Variants in GTF2A1L observed in about 807,000 individuals in gnomAD.
The protein encoded by GTF2A1L is TFIIA-alpha and beta-like factor.
GTF2A1L carries 48 observed loss-of-function variants against 49.7 expected under a neutral mutation model. The ratio of observed to expected loss-of-function variants is 0.97; its 90% CI spans 0.77 to 1.23. The LOEUF (loss-of-function observed/expected upper bound fraction) is 1.23. Among genes scored for constraint, GTF2A1L ranks in the 50% most tolerant of loss-of-function variants. The pLI, the probability that GTF2A1L is intolerant of heterozygous loss-of-function variation, is 0.00. For synonymous variants in GTF2A1L, 246 were observed against 193.5 expected, an observed-to-expected ratio of 1.27 and a Z score of -2.25; for missense variants, 736 against 564.8, an observed-to-expected ratio of 1.30 and a Z score of -3.07.
intron 6 of GTF2A1L, among the ~76,000 whole-genome samples, chr2:48,667,756 G>T (rs1678932104): frequency 6.6e-6 from 1 of 151,960 alleles, no homozygotes; most frequent in Non-Finnish European, 1.5e-5. Flanking sequence ...TTTTTTGAGG[G>T]TTCATTATTG....
At chr2:48,666,095 A>C (rs1168403280) in intron 6 of GTF2A1L, among the ~76,000 whole-genome samples, 4 of 152,036 alleles carry the variant, frequency 2.6e-5, no homozygotes. Context: ...TTCTGATATT[A>C]ATATAGCAGT....
At position 48,646,859 on chromosome 2, in the gene GTF2A1L, T is replaced by C. The variant is rs780090783; in HGVS notation, c.795T>C (p.Ser265=). ...ATTCTAATGTGGAGTCAGTGCTCAG[T>C]GGTTCAGCTAGCATGGCTCAAAATC... ...QTNSNVESVL[S]GSASMAQNLH... The change falls in exon 6 of 9, where the codon AGT becomes AGC. Residue 265 remains serine (S), a synonymous_variant. Transcript: ENST00000403751. The C allele has an allele frequency of 3.1e-6, 5 of 1,614,078 alleles. No homozygotes were observed. The highest frequency in any genetic ancestry group is 4.2e-6 in the Non-Finnish European group (5 of 1,180,024).
intron 8 of GTF2A1L, among the ~76,000 whole-genome samples, chr2:48,678,851 G>A (rs956478513): frequency 2.0e-5 from 3 of 151,896 alleles, no homozygotes; most frequent in Non-Finnish European, 4.4e-5. Context: ...GAACAATCCA[G>A]GCATGCCCCT....
chr2:48,622,704 C>T (rs1321106532), intron 3 of GTF2A1L, among the ~76,000 whole-genome samples: 2 of 151,972 alleles, frequency 1.3e-5, no homozygotes, highest in South Asian at 2.1e-4. Context: ...CGTGGTGGCT[C>T]ATGCCTGTAA....
Position 48,646,595 on chromosome 2 carries a change from A to C in GTF2A1L, c.531A>C (p.Pro177=), listed in dbSNP as rs1204872827. The C allele has an allele frequency of 9.3e-6, 15 of 1,614,030 alleles. No homozygotes were observed. The highest frequency in any genetic ancestry group is 1.3e-5 in the African/African-American group (1 of 74,922). Residue 177 remains proline (P), a synonymous_variant, in exon 6 of 9, where the codon CCA becomes CCC. Transcript: ENST00000403751. ...VIQTSVPQLN[P]WSLQATTEKS... ...AAACTAGTGTTCCACAATTGAATCC[A>C]TGGTCTCTTCAAGCAACTACTGAAA...
At chr2:48,667,669 A>G (rs1678927954) in intron 6 of GTF2A1L, among the ~76,000 whole-genome samples, 1 of 152,198 alleles carries the variant, frequency 6.6e-6, no homozygotes, top group Non-Finnish European at 1.5e-5. Flanking sequence ...CCAATGTAGT[A>G]AAAATTAATT....
chr2:48,665,004 C>T (rs528888624), intron 6 of GTF2A1L, among the ~76,000 whole-genome samples: 1 of 152,096 alleles, frequency 6.6e-6, no homozygotes. Context: ...TCACTGCAAC[C>T]AGCACCTCCT....
At chr2:48,671,526 C>G in intron 7 of GTF2A1L, 65 bp from the exon 8 acceptor site, 1 of 1,527,404 alleles carries the variant, frequency 6.5e-7, no homozygotes, top group Admixed American at 1.9e-5. Flanking sequence ...TTCTATATGT[C>G]TCTTTATCTT....
chr2:48,651,231 G>A (rs1277408270), intron 6 of GTF2A1L, among the ~76,000 whole-genome samples: 1 of 152,108 alleles, frequency 6.6e-6, no homozygotes, highest in Non-Finnish European at 1.5e-5. Context: ...AAAAAAGGAA[G>A]CATTTCCTCT....
rs1338750571 is a variant in GTF2A1L, at chr2:48,671,604, C to T, written c.1253C>T (p.Ser418Phe). The T allele has an allele frequency of 1.9e-6, 3 of 1,613,096 alleles. No homozygotes were observed. Among genetic ancestry groups the T allele is most frequent in the East Asian group, 2.2e-5 (1 of 44,864 alleles). ...VNIVEEDPLN[S>F]GDDVSEQDVP... ...TTTCGTCTTTAGGACCCTTTAAATT[C>T]TGGAGATGATGTTAGTGAACAGGAT... Residue 418 changes from serine to phenylalanine, a missense_variant, in exon 8 of 9, where the codon TCT (serine) becomes TTT (phenylalanine). Transcript: ENST00000403751.
In GTF2A1L at chr2:48,676,094, A is replaced by G. The variant is rs1418305881; in HGVS notation, c.1330-3241A>G. Among the ~76,000 whole-genome samples, 4 of 152,054 alleles carry G rather than the reference A, an allele frequency of 2.6e-5. No homozygotes were observed. The South Asian group carries it at 6.2e-4, about 24-fold the overall frequency. ...TTTCATCGAATTTCTTTATTCAAATACAAATACAAAAGATAGCATAAATAA... is the reference window on the plus strand; with the variant it reads ...TTTCATCGAATTTCTTTATTCAAATGCAAATACAAAAGATAGCATAAATAA... On this transcript the variant is annotated intron_variant, in intron 8 of 8. Transcript: ENST00000403751.
rs1553371563 is a variant in GTF2A1L at position 48,621,188 on chromosome 2, C to T, written c.145C>T (p.Gln49Ter). Reference sequence around the variant, plus strand: ...GCAGCTCTGGGAAACCAAGGTTTTGCAGTCTAAAGCAACAGAAGACTTCTT... The same window carrying T: ...GCAGCTCTGGGAAACCAAGGTTTTGTAGTCTAAAGCAACAGAAGACTTCTT... Reference protein sequence around the residue: ...LKQLWETKVLQSKATEDFFRN... With the variant: ...LKQLWETKVL Residue 49 changes from glutamine to a stop codon, truncating the protein, a stop_gained, in exon 3 of 9, where the codon CAG (glutamine) becomes TAG (stop). Transcript: ENST00000403751. LOFTEE classifies it high-confidence loss of function. 2.5e-6 allele frequency: 4 copies of T among 1,613,362 alleles called. No homozygotes were observed. The highest frequency in any genetic ancestry group is 3.4e-6 in the Non-Finnish European group (4 of 1,179,756).
chr2:48,634,899 C>T (rs1676799108), intron 3 of GTF2A1L, among the ~76,000 whole-genome samples: 2 of 152,164 alleles, frequency 1.3e-5, no homozygotes, highest in South Asian at 4.1e-4. Flanking sequence ...AGATTGGGCA[C>T]ATCCATCTAC....
chr2:48,637,736 T>C (rs1416705602), intron 3 of GTF2A1L, among the ~76,000 whole-genome samples: 2 of 152,052 alleles, frequency 1.3e-5, no homozygotes, highest in African/African-American at 2.4e-5. Flanking sequence ...GCTAGACTAC[T>C]AAAGAGAGAA....
chr2:48,632,040 T>G (rs1676607159), intron 3 of GTF2A1L, among the ~76,000 whole-genome samples: 1 of 152,226 alleles, frequency 6.6e-6, no homozygotes, highest in Admixed American at 6.5e-5. Context: ...TATTAGTCTT[T>G]TTATTCTCTT....
chr2:48,629,866 A>C (rs1019949150), intron 3 of GTF2A1L, among the ~76,000 whole-genome samples: 2 of 144,562 alleles, frequency 1.4e-5, no homozygotes, highest in African/African-American at 4.9e-5. Flanking sequence ...CCATTTATTG[A>C]CTAGGGAGTC....
chr2:48,647,208 G>C, intron 6 of GTF2A1L, 166 bp downstream of exon 6: 1 of 616,080 alleles, frequency 1.6e-6, no homozygotes, highest in South Asian at 3.3e-5. Flanking sequence ...ATTTTTAATT[G>C]TGATAAAATA....
Position 48,630,700 on chromosome 2 carries a change from G to A in GTF2A1L, c.247+9410G>A, listed in dbSNP as rs144383409. ...TTGTCTTTTCTGGTTCTCAGGGAGAGTTCTTCCAATTTTTGCCCATTTAGC... is the reference window on the plus strand; with the variant it reads ...TTGTCTTTTCTGGTTCTCAGGGAGAATTCTTCCAATTTTTGCCCATTTAGC... On this transcript the variant is annotated intron_variant, in intron 3 of 8. Coordinates refer to ENST00000403751, the MANE Select transcript of GTF2A1L (RefSeq NM_006872.5). Among the ~76,000 whole-genome samples the A allele has an allele frequency of 9.1e-3, 1,179 of 129,780 alleles. 84 individuals are homozygous for A. The highest frequency in any genetic ancestry group is 0.029 in the African/African-American group (1,125 of 38,392). 85.1% of individuals were successfully genotyped at this position (129,780 alleles called of 152,430 possible).
intron 2 of GTF2A1L, 30 bp downstream of exon 2, chr2:48,620,982 G>C: frequency 6.3e-7 from 1 of 1,587,692 alleles, no homozygotes; most frequent in East Asian, 2.2e-5. Context: ...TTTTCTTCCT[G>C]TCTTTTGTTG....
Sources: allele counts gnomAD v4.1 joint callset (sites outside exome capture counted in the v4.1 genomes callset), GRCh38; gene constraint gnomAD v4.1.1; transcripts MANE v1.5; gene names NCBI Gene and HGNC (gene_info 2026-07-23, HGNC 2026-07-21).